Variants in SDK1 observed in about 807,000 individuals in gnomAD.
SDK1 encodes sidekick cell adhesion molecule 1.
In SDK1, 157 loss-of-function variants were observed where a neutral mutation model predicts 245.5. The ratio of observed to expected loss-of-function variants is 0.64; its 90% CI spans 0.56 to 0.73. SDK1 has a LOEUF of 0.73. SDK1 is among the 30% of genes least tolerant of loss of function. The pLI is 0.00. For missense variants in SDK1, 3,583 were observed against 3,002.3 expected, an observed-to-expected ratio of 1.19 and a Z score of -4.52; for synonymous variants, 1,647 against 1,278.5, an observed-to-expected ratio of 1.29 and a Z score of -6.15.
chr7:3,691,511 C>T (rs747694216), intron 4 of SDK1, among the ~76,000 whole-genome samples: 9 of 152,204 alleles, frequency 5.9e-5, no homozygotes, highest in Admixed American at 2.6e-4. Context: ...GATACTCTCT[C>T]CCCTTTTCAG....
At chr7:3,795,763 A>G (rs1390236518) in intron 4 of SDK1, among the ~76,000 whole-genome samples, 5 of 152,180 alleles carry the variant, frequency 3.3e-5, no homozygotes, top group Non-Finnish European at 5.9e-5. Context: ...TTCCCATATT[A>G]TACAGTTATA....
chr7:3,921,447 A>G (rs1287059328), intron 5 of SDK1, among the ~76,000 whole-genome samples: 2 of 152,248 alleles, frequency 1.3e-5, no homozygotes, highest in Non-Finnish European at 1.5e-5. Context: ...ATATATGCAA[A>G]CATCAACATT....
At chr7:3,467,302 A>T (rs368793211) in intron 1 of SDK1, among the ~76,000 whole-genome samples, 2 of 152,160 alleles carry the variant, frequency 1.3e-5, no homozygotes, top group South Asian at 4.1e-4. Flanking sequence ...AATGCCACTT[A>T]TGTTTCTCTA....
At chr7:3,523,973 A>G (rs1783031438) in intron 1 of SDK1, among the ~76,000 whole-genome samples, 1 of 152,034 alleles carries the variant, frequency 6.6e-6, no homozygotes, top group Non-Finnish European at 1.5e-5. Flanking sequence ...TGGATCCTTG[A>G]TCCTGGCCTG....
intron 1 of SDK1, among the ~76,000 whole-genome samples, chr7:3,491,785 G>C (rs1464302577): frequency 3.3e-5 from 5 of 152,130 alleles, no homozygotes; most frequent in African/African-American, 4.8e-5. Flanking sequence ...TCGTTGGCAA[G>C]ACAAATACTT....
At chr7:3,350,322 A>G (rs145324409) in intron 1 of SDK1, among the ~76,000 whole-genome samples, 1 of 152,348 alleles carries the variant, frequency 6.6e-6, no homozygotes, top group African/African-American at 2.4e-5. Context: ...ATCCTAAGGC[A>G]GGCATATTCC....
chr7:3,844,895 G>A (rs891293457), intron 5 of SDK1, among the ~76,000 whole-genome samples: 2 of 152,108 alleles, frequency 1.3e-5, no homozygotes, highest in African/African-American at 4.8e-5. Context: ...TCAAACGACT[G>A]GTTACCAAAT....
intron 1 of SDK1, among the ~76,000 whole-genome samples, chr7:3,386,165 C>T (rs955912400): frequency 9.9e-5 from 15 of 152,018 alleles, no homozygotes; most frequent in Middle Eastern, 3.2e-3. Context: ...AGAAATAAGA[C>T]TTGTTTTATG....
At chr7:4,051,572 T>C in intron 18 of SDK1, 66 bp from the exon 19 acceptor site, 2 of 1,350,552 alleles carry the variant, frequency 1.5e-6, no homozygotes, top group Non-Finnish European at 1.0e-6. Context: ...AAAATTCTGC[T>C]GCAGACATGA....
chr7:3,574,794 A>AGAT (rs1780232707), intron 1 of SDK1, among the ~76,000 whole-genome samples: 1 of 152,120 alleles, frequency 6.6e-6, no homozygotes, highest in Non-Finnish European at 1.5e-5. Flanking sequence ...ATAAGGAGAC[A>AGAT]GATGATGAAA....
chr7:3,827,178 A>G (rs1488234927), intron 5 of SDK1, among the ~76,000 whole-genome samples: 1 of 150,350 alleles, frequency 6.7e-6, no homozygotes, highest in Admixed American at 6.7e-5. Flanking sequence ...ATATGGGGGA[A>G]GCTCAATATG....
At chr7:3,532,150 T>C (rs1036873144) in intron 1 of SDK1, among the ~76,000 whole-genome samples, 29 of 152,332 alleles carry the variant, frequency 1.9e-4, no homozygotes, top group African/African-American at 7.0e-4. Flanking sequence ...AAATTTGATC[T>C]GTTTTCTGGC....
At chr7:3,827,025 C>G (rs1562473246) in intron 5 of SDK1, among the ~76,000 whole-genome samples, 1 of 152,142 alleles carries the variant, frequency 6.6e-6, no homozygotes, top group African/African-American at 2.4e-5. Context: ...CACCATATCC[C>G]CATCTCTTTC....
intron 1 of SDK1, among the ~76,000 whole-genome samples, chr7:3,477,398 G>C (rs1432279730): frequency 1.3e-5 from 2 of 151,142 alleles, no homozygotes; most frequent in African/African-American, 4.9e-5. Flanking sequence ...GTTTCACCTT[G>C]TTGGCCAGGC....
chr7:4,050,391 T>C (rs911311033), intron 18 of SDK1, among the ~76,000 whole-genome samples: 4 of 152,216 alleles, frequency 2.6e-5, no homozygotes, highest in Non-Finnish European at 2.9e-5. Flanking sequence ...GAAAATCATA[T>C]TGATCAAGCA....
In SDK1 at chr7:4,259,448, A is replaced by T. The variant is rs182213266; in HGVS notation, c.6382-5676A>T. On this transcript the variant is annotated intron_variant, in intron 44 of 44. Coordinates refer to ENST00000404826, the MANE Select transcript of SDK1 (RefSeq NM_152744.4). Reference sequence around the variant, plus strand: ...GAAACTCTGTCTCAAAAATAAATAAATAAATCTTAAACAGCCACAAATACA... The same window carrying T: ...GAAACTCTGTCTCAAAAATAAATAATTAAATCTTAAACAGCCACAAATACA... Among the ~76,000 whole-genome samples, 837 of 152,316 alleles carry T rather than the reference A, an allele frequency of 5.5e-3. 11 individuals are homozygous for T. Among genetic ancestry groups the T allele is most frequent in the African/African-American group, 0.019 (790 of 41,542 alleles).
chr7:3,431,120 C>G (rs1266081344), intron 1 of SDK1, among the ~76,000 whole-genome samples: 2 of 152,112 alleles, frequency 1.3e-5, no homozygotes, highest in African/African-American at 4.8e-5. Flanking sequence ...AGGTTGGTCT[C>G]AAACTCCTGA....
intron 14 of SDK1, 145 bp from the exon 15 acceptor site, chr7:4,010,821 C>G: frequency 1.2e-6 from 1 of 815,472 alleles, no homozygotes; most frequent in Non-Finnish European, 1.9e-6. Context: ...AGTTTCCACA[C>G]CTGCTAAATG....
chr7:3,648,978 G>A lies in SDK1; in HGVS notation c.713+6873G>A, dbSNP rs142962746. 2.5e-3 allele frequency among the ~76,000 whole-genome samples: 385 copies of A among 152,310 alleles called. 2 individuals carry two copies. Among genetic ancestry groups the A allele is most frequent in the African/African-American group, 8.9e-3 (368 of 41,570 alleles). On this transcript the variant is annotated intron_variant, in intron 4 of 44. Coordinates refer to ENST00000404826, the MANE Select transcript of SDK1 (RefSeq NM_152744.4). ...TGCTGTTAAGGAAGGGGGTGCCATGGCAGTTGTTCTTCCCCTCCCTCTCTT... is the reference window on the plus strand; with the variant it reads ...TGCTGTTAAGGAAGGGGGTGCCATGACAGTTGTTCTTCCCCTCCCTCTCTT...
Sources: allele counts gnomAD v4.1 joint callset (sites outside exome capture counted in the v4.1 genomes callset), GRCh38; gene constraint gnomAD v4.1.1; transcripts MANE v1.5; gene names NCBI Gene and HGNC (gene_info 2026-07-23, HGNC 2026-07-21).